The following ST7 variants were observed in gnomAD, a reference collection of about 807,000 sequenced individuals.
ST7 encodes the protein suppressor of tumorigenicity 7 protein.
Under a neutral mutation model 78.7 loss-of-function variants are expected in ST7, and 28 were observed. The observed-to-expected ratio is 0.36, with a 90% CI of 0.26 to 0.49. ST7 has a LOEUF of 0.49. Ranked by LOEUF, ST7 falls within the 20% of genes least tolerant of loss-of-function variation. ST7 has a pLI of 0.99. For synonymous variants in ST7, 247 were observed against 249.6 expected (o/e 0.99, Z 0.10); for missense variants, 418 against 696.0 (o/e 0.60, Z 4.49).
At chr7:117,180,413 A>G (rs1167816541) in intron 10 of ST7, among the ~76,000 whole-genome samples, 1 of 152,222 alleles carries the variant, frequency 6.6e-6, no homozygotes, top group East Asian at 1.9e-4. Context: ...CTAAAATCAA[A>G]CCATCTGAAA....
At chr7:117,103,246 A>G (rs1007857073) in intron 2 of ST7, among the ~76,000 whole-genome samples, 2 of 152,242 alleles carry the variant, frequency 1.3e-5, no homozygotes, top group African/African-American at 4.8e-5. Context: ...AGAAATAGAA[A>G]AAAAAATCTA....
intron 1 of ST7, chr7:117,074,854 A>G (rs985364121): frequency 5.3e-5 from 8 of 152,184 alleles, no homozygotes; most frequent in African/African-American, 1.7e-4. Flanking sequence ...CAGTGGTGCT[A>G]TGGTGAATAG....
intron 12 of ST7, among the ~76,000 whole-genome samples, chr7:117,204,509 C>G (rs1026801437): frequency 6.6e-6 from 1 of 152,108 alleles, no homozygotes; most frequent in Non-Finnish European, 1.5e-5. Context: ...GCAAGGAATC[C>G]TGGTGATGTC....
At chr7:117,014,109 T>A (rs764101591) in intron 1 of ST7, among the ~76,000 whole-genome samples, 1 of 152,146 alleles carries the variant, frequency 6.6e-6, no homozygotes, top group Non-Finnish European at 1.5e-5. Context: ...GTGGTGGTAA[T>A]TTGGTAGTGG....
At chr7:117,097,822 CTATA>C (rs372192783) in intron 1 of ST7, among the ~76,000 whole-genome samples, 4 of 99,210 alleles carry the variant, frequency 4.0e-5, no homozygotes, top group Admixed American at 1.2e-4. Flanking sequence ...TGACATATCA[CTATA>C]TATATATATA....
In ST7 at chr7:117,089,169, C is replaced by T. The variant is rs529564222; in HGVS notation, c.152-10593C>T. On this transcript the variant is annotated intron_variant, in intron 1 of 15. Transcript: ENST00000323984. ...AGTACTAGCTCTATATTTCCAGCAA[C>T]ACCAGAATTATAATTGCCTGCCAAT... Among the ~76,000 whole-genome samples the T allele has an allele frequency of 2.0e-5, 3 of 152,362 alleles. No homozygotes were observed. In the South Asian group the frequency reaches 6.2e-4, roughly 32 times the overall value.
At chr7:117,039,085 G>T (rs1299640429) in intron 1 of ST7, among the ~76,000 whole-genome samples, 1 of 151,838 alleles carries the variant, frequency 6.6e-6, no homozygotes, top group Admixed American at 6.6e-5. Flanking sequence ...GGTTACTTAG[G>T]TTTTCTTTTT....
intron 10 of ST7, among the ~76,000 whole-genome samples, chr7:117,178,530 C>T (rs776032486): frequency 6.6e-5 from 10 of 152,294 alleles, no homozygotes; most frequent in Middle Eastern, 3.4e-3. Flanking sequence ...TAAGATCCCA[C>T]TACGACACAG....
intron 1 of ST7, among the ~76,000 whole-genome samples, chr7:117,003,369 C>T (rs770135621): frequency 2.5e-4 from 38 of 152,014 alleles, no homozygotes; most frequent in Non-Finnish European, 4.9e-4. Context: ...CCAATCTTGG[C>T]ACATTGCAAC....
At chr7:117,212,680 G>T (rs1280585941) in intron 13 of ST7, among the ~76,000 whole-genome samples, 2 of 152,130 alleles carry the variant, frequency 1.3e-5, no homozygotes, top group African/African-American at 4.8e-5. Flanking sequence ...CCACTCAATT[G>T]TGGATTTTAA....
chr7:117,013,943 A>G (rs1442777327), intron 1 of ST7, among the ~76,000 whole-genome samples: 1 of 152,244 alleles, frequency 6.6e-6, no homozygotes, highest in East Asian at 1.9e-4. Context: ...TTGATATTGT[A>G]TTGAAAATTC....
At chr7:117,202,022 G>A (rs1437065133) in intron 12 of ST7, among the ~76,000 whole-genome samples, 1 of 20,406 alleles carries the variant, frequency 4.9e-5, no homozygotes, top group Admixed American at 1.1e-3. Flanking sequence ...GTGCAGTGGC[G>A]GGATCTTGGC....
At chr7:116,996,243 G>A (rs1372274061) in intron 1 of ST7, among the ~76,000 whole-genome samples, 3 of 151,976 alleles carry the variant, frequency 2.0e-5, no homozygotes, top group East Asian at 1.9e-4. Context: ...CACCACACCC[G>A]GCTAATTTTT....
chr7:116,953,633 G>A lies in ST7; in HGVS notation c.93G>A (p.Val31=). Residue 31 remains valine (V), a synonymous_variant, in exon 1 of 16, where the codon GTG becomes GTA. Transcript: ENST00000323984. ...TYLWTVWFFI[V]LFLVYILRVP... Reference sequence around the variant, plus strand: ...TGTGGACCGTGTGGTTCTTCATCGTGCTATTCCTGGTCTACATCCTGCGGG... The same window carrying A: ...TGTGGACCGTGTGGTTCTTCATCGTACTATTCCTGGTCTACATCCTGCGGG... 1.3e-6 allele frequency: 2 copies of A among 1,509,214 alleles called. No individual in the cohort carries two copies. Among genetic ancestry groups the A allele is most frequent in the East Asian group, 2.7e-5 (1 of 36,448 alleles). The allele number at this position is 1,509,214 out of a possible 1,614,324, so 93.5% of individuals were successfully genotyped here. A position where few individuals can be genotyped will look rare whatever the true frequency, so the allele number is the denominator to read the frequency against.
intron 1 of ST7, among the ~76,000 whole-genome samples, chr7:117,012,968 A>T (rs577264884): frequency 6.6e-6 from 1 of 152,316 alleles, no homozygotes; most frequent in Admixed American, 6.5e-5. Flanking sequence ...ATATTTCATT[A>T]TGTTTTCATT....
chr7:117,023,777 TTA>T (rs10668527), intron 1 of ST7, among the ~76,000 whole-genome samples: 4 of 147,886 alleles, frequency 2.7e-5, no homozygotes, highest in African/African-American at 4.9e-5. Context: ...CTTAATTTGA[TTA>T]TATATATATA....
intron 10 of ST7, among the ~76,000 whole-genome samples, chr7:117,172,697 A>G (rs1808088110): frequency 6.6e-6 from 1 of 152,184 alleles, no homozygotes; most frequent in African/African-American, 2.4e-5. Flanking sequence ...TTTAGTACCA[A>G]AGGAATTCAG....
chr7:117,058,695 A>G (rs1472735259), intron 1 of ST7, among the ~76,000 whole-genome samples: 1 of 152,234 alleles, frequency 6.6e-6, no homozygotes, highest in Non-Finnish European at 1.5e-5. Context: ...TATTTCTTCA[A>G]CAACTACTGT....
chr7:117,095,923 C>A lies in ST7; in HGVS notation c.152-3839C>A, dbSNP rs576246476. Among the ~76,000 whole-genome samples the A allele has an allele frequency of 3.3e-5, 5 of 151,818 alleles. No individual in the cohort carries two copies. The South Asian group carries it at 1.0e-3, about 32-fold the overall frequency. On this transcript the variant is annotated intron_variant, in intron 1 of 15. Coordinates refer to ENST00000323984, the MANE Select transcript of ST7 (RefSeq NM_001369598.1). ...TCTCTACTAAAAATACAAAAATTAG[C>A]CAGGTGTGGTGGCAGGTGCCTGCAA...
Sources: gnomAD v4.1 joint callset for allele counts (sites outside exome capture counted in the v4.1 genomes callset) on GRCh38, gnomAD v4.1.1 for gene constraint, MANE v1.5 for transcripts, NCBI Gene and HGNC (gene_info 2026-07-23, HGNC 2026-07-21) for gene names.